ASAP1: variants seen among roughly 807,000 people sequenced by gnomAD.
The protein encoded by ASAP1 is arf-GAP with SH3 domain, ANK repeat and PH domain-containing protein 1.
ASAP1 carries 43 observed loss-of-function variants against 145.2 expected under a neutral mutation model. The observed-to-expected ratio is 0.30, with a 90% CI of 0.23 to 0.38. The LOEUF is 0.38. Among genes scored for constraint, ASAP1 ranks in the 10% least tolerant of loss-of-function variants. ASAP1 has a pLI of 1.00. For missense variants in ASAP1, 1,018 were observed against 1,355.3 expected (o/e 0.75, Z 3.91); for synonymous variants, 546 against 515.5 (o/e 1.06, Z -0.80).
chr8:130,207,155 T>TA (rs1450425562), intron 5 of ASAP1, among the ~76,000 whole-genome samples: 1 of 152,016 alleles, frequency 6.6e-6, no homozygotes, highest in Non-Finnish European at 1.5e-5. Flanking sequence ...CACTAACTAC[T>TA]AAGGGGCACT....
chr8:130,134,245 G>A, intron 15 of ASAP1, 51 bp downstream of exon 15: 1 of 1,371,926 alleles, frequency 7.3e-7, no homozygotes, highest in Non-Finnish European at 1.0e-6. Context: ...TGTAAACAGA[G>A]AGGTGCTTTT....
intron 3 of ASAP1, among the ~76,000 whole-genome samples, chr8:130,305,091 A>G (rs1192877505): frequency 6.6e-6 from 1 of 152,128 alleles, no homozygotes; most frequent in Non-Finnish European, 1.5e-5. Flanking sequence ...CCCCACAGCT[A>G]AACTCCATCA....
rs572828186 is a variant in ASAP1, at chr8:130,361,596, T to C, written c.60-3453A>G. 233 of 1,087,098 alleles carry C rather than the reference T, an allele frequency of 2.1e-4. 3 individuals are homozygous for C. The South Asian group carries it at 3.0e-3, about 14-fold the overall frequency. The allele number at this position is 1,087,098 out of a possible 1,614,324, so 67.3% of individuals were successfully genotyped here. ...AAAGGAATATGCTCACAATGAGATATTGTGCTTTGGTAAGTATATACCTCC... is the reference window on the plus strand; with the variant it reads ...AAAGGAATATGCTCACAATGAGATACTGTGCTTTGGTAAGTATATACCTCC... On this transcript the variant is annotated intron_variant, in intron 2 of 29. Coordinates refer to ENST00000518721, the MANE Select transcript of ASAP1 (RefSeq NM_018482.4).
chr8:130,125,360 C>T (rs1327073148), intron 17 of ASAP1, among the ~76,000 whole-genome samples: 1 of 151,952 alleles, frequency 6.6e-6, no homozygotes, highest in East Asian at 1.9e-4. Context: ...CTGGGTGACT[C>T]ATGATGGGAA....
intron 3 of ASAP1, among the ~76,000 whole-genome samples, chr8:130,343,528 T>G (rs1219225371): frequency 6.6e-6 from 1 of 152,216 alleles, no homozygotes. Context: ...AAAAGCACTT[T>G]CCTAGGCTGC....
At chr8:130,171,578 G>C (rs1020613091) in intron 9 of ASAP1, among the ~76,000 whole-genome samples, 3 of 152,186 alleles carry the variant, frequency 2.0e-5, no homozygotes, top group African/African-American at 7.2e-5. Flanking sequence ...CTTGACATGT[G>C]GGGATTATGG....
At chr8:130,141,758 C>T (rs2097612106) in intron 13 of ASAP1, among the ~76,000 whole-genome samples, 1 of 152,102 alleles carries the variant, frequency 6.6e-6, no homozygotes, top group Non-Finnish European at 1.5e-5. Flanking sequence ...CACTCTGTTG[C>T]CCAGGCTGGA....
At chr8:130,134,249 T>C in intron 15 of ASAP1, 47 bp downstream of exon 15, 2 of 1,414,268 alleles carry the variant, frequency 1.4e-6, no homozygotes, top group Admixed American at 2.3e-5. Context: ...AACAGAGAGG[T>C]GCTTTTTCAA....
chr8:130,365,987 A>T (rs765741033), intron 2 of ASAP1, among the ~76,000 whole-genome samples: 16 of 152,240 alleles, frequency 1.1e-4, no homozygotes, highest in South Asian at 2.1e-4. Context: ...TTTAAGGATA[A>T]CATGCTTTCC....
At chr8:130,434,298 G>A (rs1231963923) in intron 1 of ASAP1, among the ~76,000 whole-genome samples, 1 of 152,052 alleles carries the variant, frequency 6.6e-6, no homozygotes, top group East Asian at 1.9e-4. Context: ...TAGCGCCACT[G>A]CACTACAGCC....
chr8:130,437,294 C>T (rs1830346597), intron 1 of ASAP1, among the ~76,000 whole-genome samples: 1 of 152,210 alleles, frequency 6.6e-6, no homozygotes, highest in African/African-American at 2.4e-5. Context: ...TCCCAATCCC[C>T]TTCAAGATGC....
At chr8:130,296,589 T>C (rs186345776) in intron 3 of ASAP1, among the ~76,000 whole-genome samples, 1 of 151,540 alleles carries the variant, frequency 6.6e-6, no homozygotes, top group Non-Finnish European at 1.5e-5. Context: ...ATTCATTACA[T>C]GATACTTCCT....
chr8:130,110,639 CTG>C (rs1022722146), intron 24 of ASAP1, among the ~76,000 whole-genome samples: 3 of 152,224 alleles, frequency 2.0e-5, no homozygotes, highest in African/African-American at 7.2e-5. Context: ...TGCACTATTA[CTG>C]TGTGGCCACT....
chr8:130,217,887 T>C (rs1055303223), intron 4 of ASAP1, among the ~76,000 whole-genome samples: 1 of 152,040 alleles, frequency 6.6e-6, no homozygotes, highest in African/African-American at 2.4e-5. Flanking sequence ...GAAGTCTAAA[T>C]ACCATGAAGG....
rs139840064 is a variant in ASAP1 at position 130,190,657 on chromosome 8, A to C, written c.406-2474T>G. 3.3e-5 allele frequency among the ~76,000 whole-genome samples: 5 copies of C among 152,294 alleles called. No homozygotes were observed. In the East Asian group the frequency reaches 9.6e-4, roughly 29 times the overall value. On this transcript the variant is annotated intron_variant, in intron 5 of 29. Coordinates refer to ENST00000518721, the MANE Select transcript of ASAP1 (RefSeq NM_018482.4). The stretch of plus-strand genomic sequence containing the variant: ...CTCAGCCTCCTGAATAGCTGGGATC[A>C]CAGGCATGCATCACTACGTCCGGCC...
At chr8:130,248,931 T>C (rs954680262) in intron 3 of ASAP1, among the ~76,000 whole-genome samples, 1 of 152,178 alleles carries the variant, frequency 6.6e-6, no homozygotes, top group Non-Finnish European at 1.5e-5. Context: ...TTCTTTTTTG[T>C]TGCTTTCTAT....
At chr8:130,270,445 A>T (rs1273615099) in intron 3 of ASAP1, among the ~76,000 whole-genome samples, 5 of 152,250 alleles carry the variant, frequency 3.3e-5, no homozygotes, top group African/African-American at 1.2e-4. Flanking sequence ...CTCTGTATGT[A>T]AAAGTATAAA....
At chr8:130,428,451 TTATCAC>T (rs1830013728) in intron 1 of ASAP1, among the ~76,000 whole-genome samples, 1 of 9,686 alleles carries the variant, frequency 1.0e-4, no homozygotes, top group Non-Finnish European at 2.1e-4. Context: ...ACCACCATCA[TTATCAC>T]CATCATCATC....
At chr8:130,222,554 G>A (rs142134737) in intron 4 of ASAP1, among the ~76,000 whole-genome samples, 5 of 152,244 alleles carry the variant, frequency 3.3e-5, no homozygotes, top group African/African-American at 7.2e-5. Flanking sequence ...AAAGACTATC[G>A]TGGATACTAG....
Sources: gnomAD v4.1 joint callset for allele counts (sites outside exome capture counted in the v4.1 genomes callset) on GRCh38, gnomAD v4.1.1 for gene constraint, MANE v1.5 for transcripts, NCBI Gene and HGNC (gene_info 2026-07-23, HGNC 2026-07-21) for gene names.